MAPK6: variants seen among roughly 807,000 people sequenced by gnomAD.
MAPK6 encodes ERK-3.
Under a neutral mutation model 59.3 loss-of-function variants are expected in MAPK6, and 19 were observed. The ratio of observed to expected loss-of-function variants is 0.32; its 90% confidence interval spans 0.22 to 0.47. MAPK6 has a LOEUF of 0.47. Ranked by LOEUF, MAPK6 falls within the 20% of genes least tolerant of loss-of-function variation. The pLI is 1.00. For missense variants in MAPK6, 724 were observed against 847.9 expected (o/e 0.85, Z 1.81); for synonymous variants, 316 against 290.3 (o/e 1.09, Z -0.90).
At chr15:52,048,373 C>T (rs1296940390) in intron 2 of MAPK6, among the ~76,000 whole-genome samples, 1 of 152,114 alleles carries the variant, frequency 6.6e-6, no homozygotes, top group African/African-American at 2.4e-5. Context: ...AATCTCAGCA[C>T]TTTGGGAGGC....
chr15:52,061,476 A>T lies in MAPK6; in HGVS notation c.1043A>T (p.His348Leu). 1.9e-6 allele frequency: 3 copies of T among 1,612,904 alleles called. No individual in the cohort carries two copies. The highest frequency in any genetic ancestry group is 2.5e-6 in the Non-Finnish European group (3 of 1,178,970). ...GATATTTTGCTTATGGATGAAACTC[A>T]CAGTCACATTTATAACTGGGAAAGG... The part of the protein sequence containing the change: ...VDDILLMDET[H>L]SHIYNWERYH... Residue 348 changes from histidine to leucine, a missense_variant, in exon 5 of 6, where the codon CAC (histidine) becomes CTC (leucine). Around this residue, in one of 4 missense-constraint regions of MAPK6, gnomAD observed 502 missense variants for 507.6 expected, o/e 0.99. Transcript: ENST00000261845.
chr15:51,975,367 C>T (rs2057154370), intron 1 of MAPK6, among the ~76,000 whole-genome samples: 1 of 151,476 alleles, frequency 6.6e-6, no homozygotes, highest in Non-Finnish European at 1.5e-5. Flanking sequence ...ATGGTGAAAC[C>T]TCGTCTCTAC....
At chr15:51,992,796 A>G (rs1047768942) in intron 2 of MAPK6, among the ~76,000 whole-genome samples, 1 of 152,184 alleles carries the variant, frequency 6.6e-6, no homozygotes, top group Non-Finnish European at 1.5e-5. Flanking sequence ...ATCACAAAGG[A>G]TACGGATGGA....
At position 52,061,359 on chromosome 15, in the gene MAPK6, A is replaced by C. The variant is rs141979362; in HGVS notation, c.926A>C (p.Glu309Ala). Residue 309 changes from glutamate to alanine, a missense_variant, in exon 5 of 6, where the codon GAA (glutamate) becomes GCA (alanine). Around this residue, in one of 4 missense-constraint regions of MAPK6, gnomAD observed 502 missense variants for 507.6 expected, o/e 0.99. Coordinates refer to ENST00000261845, the MANE Select transcript of MAPK6 (RefSeq NM_002748.4). ...CCCATGGATCGGTTAACAGCAGAAG[A>C]AGCACTCTCCCATCCTTACATGAGC... ...FSPMDRLTAE[E>A]ALSHPYMSIY... 100 of 1,614,052 alleles carry C rather than the reference A, an allele frequency of 6.2e-5. No homozygotes were observed. Among genetic ancestry groups the C allele is most frequent in the South Asian group, 1.9e-4 (17 of 91,088 alleles).
intron 1 of MAPK6, among the ~76,000 whole-genome samples, 154 bp from the exon 2 acceptor site, chr15:52,045,676 T>C (rs2031572918): frequency 6.6e-6 from 1 of 152,194 alleles, no homozygotes; most frequent in Non-Finnish European, 1.5e-5. Context: ...TAAGCTATTT[T>C]TGATTAAGGG....
upstream of MAPK6, among the ~76,000 whole-genome samples, chr15:52,016,052 TCGCGCGCGCGCG>T (rs376275284): frequency 2.0e-4 from 14 of 68,720 alleles, 1 homozygote; most frequent in Admixed American, 8.6e-4. Context: ...CCAAACTCCA[TCGCGCGCGCGCG>T]CGCGCGCACA....
In MAPK6 at chr15:52,059,887, A is replaced by G. The variant is rs147268382; in HGVS notation, c.865+1090A>G. Among the ~76,000 whole-genome samples, 394 of 152,338 alleles carry G rather than the reference A, an allele frequency of 2.6e-3. 7 individuals carry two copies. Among genetic ancestry groups the G allele is most frequent in the African/African-American group, 9.1e-3 (378 of 41,586 alleles). On this transcript the variant is annotated intron_variant, in intron 4 of 5. Coordinates refer to ENST00000261845, the MANE Select transcript of MAPK6 (RefSeq NM_002748.4). ...ACAGTGGAGTTTTATTTTGGGACAGAGCACATTCTGAGGCAGTGGCAACTT... is the reference window on the plus strand; with the variant it reads ...ACAGTGGAGTTTTATTTTGGGACAGGGCACATTCTGAGGCAGTGGCAACTT...
intron 2 of MAPK6, among the ~76,000 whole-genome samples, chr15:52,047,401 T>C (rs2031626928): frequency 6.6e-6 from 1 of 152,136 alleles, no homozygotes; most frequent in African/African-American, 2.4e-5. Context: ...GGTAGAGTGC[T>C]GTGGCGCCAT....
intron 2 of MAPK6, among the ~76,000 whole-genome samples, chr15:51,994,732 A>G (rs2141819406): frequency 6.6e-6 from 1 of 152,354 alleles, no homozygotes; most frequent in Middle Eastern, 3.4e-3. Flanking sequence ...ACAAATTGAC[A>G]TCATGCTATT....
At chr15:52,030,684 C>T (rs774711094) in intron 1 of MAPK6, among the ~76,000 whole-genome samples, 4 of 121,916 alleles carry the variant, frequency 3.3e-5, no homozygotes, top group Non-Finnish European at 4.7e-5. Flanking sequence ...AGGAGTACAG[C>T]GGTGCAATCT....
intron 5 of MAPK6, 152 bp downstream of exon 5, chr15:52,061,652 G>A: frequency 3.1e-6 from 2 of 645,870 alleles, no homozygotes; most frequent in Admixed American, 3.1e-5. Flanking sequence ...GTGGTGGCAG[G>A]CGCCTGTAGT....
At chr15:51,993,014 A>T (rs574578217) in intron 2 of MAPK6, among the ~76,000 whole-genome samples, 76 of 152,166 alleles carry the variant, frequency 5.0e-4, no homozygotes, top group African/African-American at 1.8e-3. Flanking sequence ...TGGTCAGCTC[A>T]ACCTTCAACC....
At chr15:51,974,703 T>C (rs34842090) in intron 1 of MAPK6, among the ~76,000 whole-genome samples, 59,451 of 140,540 alleles carry the variant, frequency 0.42, 13,372 homozygotes, top group Admixed American at 0.51. Context: ...CATTTGTTCC[T>C]AGGAATGGAG....
chr15:52,029,724 T>C (rs1016962027), intron 1 of MAPK6, among the ~76,000 whole-genome samples: 1 of 152,230 alleles, frequency 6.6e-6, no homozygotes, highest in African/African-American at 2.4e-5. Flanking sequence ...CATCATCAAG[T>C]TCTTTTGGTC....
chr15:52,036,756 C>T (rs2031253553), intron 1 of MAPK6, among the ~76,000 whole-genome samples: 1 of 152,092 alleles, frequency 6.6e-6, no homozygotes, highest in Admixed American at 6.6e-5. Context: ...TTAAATCTCG[C>T]AAGCTTTCTT....
rs75880430 is a variant in MAPK6, at chr15:51,976,813, G to T, written c.-880+4907G>T. ...CAAAAATTAGCCGGGCTTGGCGGTCGCACTCCTGTAATCTCAGCTACTCAG... is the reference window on the plus strand; with the variant it reads ...CAAAAATTAGCCGGGCTTGGCGGTCTCACTCCTGTAATCTCAGCTACTCAG... On this transcript the variant is annotated intron_variant, in intron 1 of 7. Coordinates refer to the MAPK6 transcript ENST00000691380. Among the ~76,000 whole-genome samples the T allele has an allele frequency of 5.7e-4, 87 of 151,440 alleles. 3 individuals are homozygous for T. In the East Asian group the frequency reaches 0.014, roughly 24 times the overall value.
intron 2 of MAPK6, among the ~76,000 whole-genome samples, 198 bp downstream of exon 2, chr15:52,047,213 A>G (rs1299977384): frequency 6.6e-6 from 1 of 152,196 alleles, no homozygotes; most frequent in African/African-American, 2.4e-5. Context: ...CTAAAAATAC[A>G]TGGTTATTAT....
At chr15:52,026,728 G>C (rs1237477041) in intron 1 of MAPK6, among the ~76,000 whole-genome samples, 1 of 152,118 alleles carries the variant, frequency 6.6e-6, no homozygotes, top group East Asian at 1.9e-4. Context: ...ACTGTAGTTT[G>C]AGATGAGAGA....
intron 3 of MAPK6, among the ~76,000 whole-genome samples, chr15:52,013,515 T>G (rs1449471207): frequency 1.3e-5 from 2 of 152,152 alleles, no homozygotes; most frequent in Non-Finnish European, 2.9e-5. Flanking sequence ...AGAGGTAATG[T>G]GGGAGCAACT....
Sources: allele counts gnomAD v4.1 joint callset (sites outside exome capture counted in the v4.1 genomes callset), GRCh38; gene constraint gnomAD v4.1.1; regional missense constraint gnomAD v4.1.1; transcripts MANE v1.5; gene names NCBI Gene and HGNC (gene_info 2026-07-23, HGNC 2026-07-21).